Variants in CSMD3 observed in about 807,000 individuals in gnomAD.
CSMD3 encodes the protein CUB and sushi domain-containing protein 3.
A neutral mutation model predicts 435.2 loss-of-function variants in CSMD3; 177 were observed. That is an observed-to-expected ratio of 0.41 (90% CI 0.36 to 0.46). The LOEUF (loss-of-function observed/expected upper bound fraction) is 0.46, where lower values mean the gene tolerates loss of function less well. CSMD3 is among the 20% of genes least tolerant of loss of function. The pLI, the probability that CSMD3 is intolerant of heterozygous loss-of-function variation, is 0.34. For synonymous variants in CSMD3, 1,656 were observed against 1,520.5 expected (o/e 1.09, Z -2.07); for missense variants, 4,265 against 4,504.6 (o/e 0.95, Z 1.52).
intron 4 of CSMD3, among the ~76,000 whole-genome samples, chr8:113,173,288 T>C (rs1280604980): frequency 6.6e-6 from 1 of 152,104 alleles, no homozygotes; most frequent in Non-Finnish European, 1.5e-5. Context: ...CTCCTTTTCA[T>C]GTAGTATATG....
At chr8:112,825,612 T>C (rs2079655095) in intron 12 of CSMD3, among the ~76,000 whole-genome samples, 1 of 152,158 alleles carries the variant, frequency 6.6e-6, no homozygotes, top group Admixed American at 6.5e-5. Flanking sequence ...TGCAGTTTCC[T>C]GGAGGTTCAC....
intron 17 of CSMD3, among the ~76,000 whole-genome samples, chr8:112,664,712 T>C (rs1257508905): frequency 6.6e-6 from 1 of 152,024 alleles, no homozygotes; most frequent in Non-Finnish European, 1.5e-5. Flanking sequence ...AGATGGGCCC[T>C]AATCCAATGT....
intron 3 of CSMD3, among the ~76,000 whole-genome samples, chr8:113,194,900 C>T (rs1235225497): frequency 1.3e-5 from 2 of 151,092 alleles, no homozygotes; most frequent in Non-Finnish European, 3.0e-5. Context: ...CTATGTATTT[C>T]GTTAAAGTCT....
chr8:112,539,547 C>T (rs1298009945), intron 27 of CSMD3, among the ~76,000 whole-genome samples: 1 of 152,050 alleles, frequency 6.6e-6, no homozygotes, highest in East Asian at 1.9e-4. Context: ...GTAATCAAGA[C>T]AGTGTGATAC....
At chr8:112,949,453 A>G (rs1299903377) in intron 8 of CSMD3, among the ~76,000 whole-genome samples, 1 of 151,940 alleles carries the variant, frequency 6.6e-6, no homozygotes, top group African/African-American at 2.4e-5. Flanking sequence ...ACTACAGCGG[A>G]CAAATTGAAA....
chr8:112,471,186 A>G (rs1044886183), intron 32 of CSMD3, among the ~76,000 whole-genome samples: 1 of 152,188 alleles, frequency 6.6e-6, no homozygotes, highest in African/African-American at 2.4e-5. Context: ...ATTTGGCCAC[A>G]TGGCCTCCCA....
At chr8:113,369,524 T>C (rs147779246) in intron 1 of CSMD3, among the ~76,000 whole-genome samples, 3 of 152,092 alleles carry the variant, frequency 2.0e-5, no homozygotes, top group African/African-American at 7.2e-5. Flanking sequence ...AAATTAGAAC[T>C]ACTGTATGAT....
At chr8:112,808,365 T>C (rs1391932340) in intron 12 of CSMD3, among the ~76,000 whole-genome samples, 1 of 152,084 alleles carries the variant, frequency 6.6e-6, no homozygotes, top group African/African-American at 2.4e-5. Context: ...TCCTACCTTG[T>C]TTTAACTGGA....
intron 3 of CSMD3, among the ~76,000 whole-genome samples, chr8:113,215,209 C>G (rs1041550936): frequency 1.3e-5 from 2 of 151,804 alleles, no homozygotes; most frequent in Non-Finnish European, 2.9e-5. Context: ...CCCTTTTGAG[C>G]TTTGAGGCAG....
chr8:112,231,469 A>G, intron 69 of CSMD3, 76 bp downstream of exon 69: 1 of 925,466 alleles, frequency 1.1e-6, no homozygotes, highest in Admixed American at 1.7e-5. Flanking sequence ...TACCTAATGT[A>G]CAGAATCCAC....
Position 112,341,478 on chromosome 8 carries a change from T to C in CSMD3, c.6651A>G (p.Gln2217=), listed in dbSNP as rs138118831. ...QNKQGFHIVY[Q]AYQLQSCPDP... ...TTCATTTTTTATTATTTCTCTTACC[T>C]TGGTATACAATATGAAACCCTTGTT... The change falls in exon 42 of 71, where the codon CAA becomes CAG. Residue 2217 remains glutamine, a splice_region_variant and synonymous_variant. Coordinates refer to ENST00000297405, the MANE Select transcript of CSMD3 (RefSeq NM_198123.2). The C allele has an allele frequency of 5.7e-6, 9 of 1,583,660 alleles. No individual in the cohort carries two copies. In the African/African-American group the frequency reaches 9.4e-5, roughly 17 times the overall value.
intron 27 of CSMD3, among the ~76,000 whole-genome samples, chr8:112,527,072 A>T (rs1301991119): frequency 6.6e-6 from 1 of 151,986 alleles, no homozygotes; most frequent in East Asian, 1.9e-4. Context: ...AATAAAAAAA[A>T]TAGCAATATG....
intron 1 of CSMD3, among the ~76,000 whole-genome samples, chr8:113,422,298 C>T (rs1420435903): frequency 1.3e-5 from 2 of 152,048 alleles, no homozygotes; most frequent in Non-Finnish European, 2.9e-5. Context: ...GAAAAGCTTT[C>T]CCTCTGCTCC....
intron 1 of CSMD3, among the ~76,000 whole-genome samples, chr8:113,349,289 G>A (rs1273565089): frequency 6.6e-6 from 1 of 152,010 alleles, no homozygotes; most frequent in Admixed American, 6.6e-5. Context: ...AAAATACTAG[G>A]CTCTGAGGAG....
chr8:113,274,356 T>G lies in CSMD3; in HGVS notation c.514+4236A>C, dbSNP rs73701352. Among the ~76,000 whole-genome samples, 1,179 of 152,216 alleles carry G rather than the reference T, an allele frequency of 7.7e-3. 19 individuals are homozygous for G. The highest frequency in any genetic ancestry group is 0.027 in the African/African-American group (1,119 of 41,562). The stretch of plus-strand genomic sequence containing the variant: ...ATGAAAGTAGAGACTGTATAACTCA[T>G]TCTGGATAATTTAGCAACACTAAAG... On this transcript the variant is annotated intron_variant, in intron 3 of 70. Transcript: ENST00000297405.
At chr8:113,415,735 A>G (rs1254930079) in intron 1 of CSMD3, among the ~76,000 whole-genome samples, 1 of 152,104 alleles carries the variant, frequency 6.6e-6, no homozygotes, top group East Asian at 1.9e-4. Context: ...CCCATTAAAC[A>G]ATTTTATTTT....
At chr8:112,938,988 GC>G (rs1198603351) in intron 9 of CSMD3, among the ~76,000 whole-genome samples, 3 of 152,030 alleles carry the variant, frequency 2.0e-5, no homozygotes, top group African/African-American at 7.2e-5. Context: ...GTGTGAAAGT[GC>G]TTTTGAGTTA....
intron 5 of CSMD3, among the ~76,000 whole-genome samples, chr8:113,084,232 A>C (rs541436439): frequency 9.9e-5 from 15 of 152,238 alleles, no homozygotes; most frequent in African/African-American, 3.6e-4. Context: ...ATGCTTTTAA[A>C]ACTGATAAAA....
chr8:112,473,673 G>A (rs1444051293), intron 31 of CSMD3, among the ~76,000 whole-genome samples: 1 of 150,848 alleles, frequency 6.6e-6, no homozygotes, highest in African/African-American at 2.4e-5. Context: ...AATCTGGAGT[G>A]TAAGAGTGGA....
Sources: allele counts gnomAD v4.1 joint callset (sites outside exome capture counted in the v4.1 genomes callset), GRCh38; gene constraint gnomAD v4.1.1; transcripts MANE v1.5; gene names NCBI Gene and HGNC (gene_info 2026-07-23, HGNC 2026-07-21).